Variants in GALNT18 observed in about 807,000 individuals in gnomAD.
The protein encoded by GALNT18 is polypeptide N-acetylgalactosaminyltransferase 18.
GALNT18 carries 44 observed loss-of-function variants against 69.5 expected under a neutral mutation model. The ratio of observed to expected loss-of-function variants is 0.63; its 90% CI spans 0.50 to 0.81. The LOEUF is 0.81. GALNT18 is among the 40% of genes least tolerant of loss of function. The pLI is 0.00. For missense variants in GALNT18, 715 were observed against 810.0 expected (o/e 0.88, Z 1.42); for synonymous variants, 364 against 318.2 (o/e 1.14, Z -1.53).
chr11:11,335,305 T>A (rs774510437), intron 7 of GALNT18, among the ~76,000 whole-genome samples: 1 of 152,226 alleles, frequency 6.6e-6, no homozygotes, highest in Non-Finnish European at 1.5e-5. Flanking sequence ...TCTTTCTGAA[T>A]ATCAAGTCCC....
At chr11:11,515,643 A>G (rs1235904421) in intron 1 of GALNT18, among the ~76,000 whole-genome samples, 1 of 152,256 alleles carries the variant, frequency 6.6e-6, no homozygotes, top group Non-Finnish European at 1.5e-5. Context: ...GAGATAGAGA[A>G]GGATGGGCCA....
At chr11:11,492,776 T>C (rs943521579) in intron 1 of GALNT18, among the ~76,000 whole-genome samples, 5 of 151,920 alleles carry the variant, frequency 3.3e-5, no homozygotes, top group Non-Finnish European at 5.9e-5. Flanking sequence ...GGGAGAGTAT[T>C]AGGACAAATA....
intron 1 of GALNT18, among the ~76,000 whole-genome samples, chr11:11,566,402 G>A (rs531657477): frequency 1.2e-4 from 19 of 152,154 alleles, no homozygotes; most frequent in Non-Finnish European, 2.1e-4. Context: ...AACATCCTTG[G>A]GACCAGCAGG....
In GALNT18 at chr11:11,332,822, T is replaced by C. The variant is rs1850042195; in HGVS notation, c.1288A>G (p.Ile430Val). The C allele has an allele frequency of 6.2e-7, 1 of 1,613,432 alleles. No homozygotes were observed. The highest frequency in any genetic ancestry group is 8.5e-7 in the Non-Finnish European group (1 of 1,179,988). The change falls in exon 8 of 11, where the codon ATT becomes GTT. Residue 430 changes from isoleucine to valine, a missense_variant. By Grantham distance (29) the Ile-to-Val change is conservative. Transcript: ENST00000227756. The surrounding 1 kb of genome is among the most constrained non-coding windows in gnomAD (Gnocchi z 4.3). ...CTTGCAGTGATGTCCCCAATGTCAA[T>C]TCCTGAGTCCTGCACAGGGACGCAG... ...AWNIPQEDSG[I>V]DIGDITARKA...
intron 1 of GALNT18, among the ~76,000 whole-genome samples, chr11:11,553,937 G>A (rs989315471): frequency 5.9e-5 from 9 of 152,170 alleles, no homozygotes; most frequent in Non-Finnish European, 5.9e-5. Flanking sequence ...GGACACGAGC[G>A]GCTCGGGCTC....
chr11:11,386,804 A>T (rs1241945910), intron 3 of GALNT18, among the ~76,000 whole-genome samples: 1 of 152,178 alleles, frequency 6.6e-6, no homozygotes, highest in Non-Finnish European at 1.5e-5. Flanking sequence ...AAGTCCAACT[A>T]GGCTGTCCCC....
intron 1 of GALNT18, among the ~76,000 whole-genome samples, chr11:11,524,718 G>T (rs1191250388): frequency 6.6e-6 from 1 of 152,236 alleles, no homozygotes; most frequent in African/African-American, 2.4e-5. Flanking sequence ...CTAAGTCACT[G>T]ATTTGGGGGC....
intron 1 of GALNT18, among the ~76,000 whole-genome samples, chr11:11,551,037 C>T (rs886800546): frequency 4.1e-5 from 6 of 145,048 alleles, no homozygotes; most frequent in African/African-American, 1.0e-4. Context: ...AGTCACATTT[C>T]AGTGGGTGAT....
Position 11,372,639 on chromosome 11 carries a change from C to T in GALNT18, c.978-10G>A. 1.2e-6 allele frequency: 2 copies of T among 1,609,380 alleles called. No individual in the cohort carries two copies. The highest frequency in any genetic ancestry group is 1.7e-6 in the Non-Finnish European group (2 of 1,176,058). Reference sequence around the variant, plus strand: ...AATGAGGGCAGGGCTCCTGCAGGGGCAGGGGAGAGCAGAAGGGCTGTCTGG... The same window carrying T: ...AATGAGGGCAGGGCTCCTGCAGGGGTAGGGGAGAGCAGAAGGGCTGTCTGG... On this transcript the variant is annotated splice_polypyrimidine_tract_variant and intron_variant, in intron 5 of 10. Coordinates refer to ENST00000227756, the MANE Select transcript of GALNT18 (RefSeq NM_198516.3). The surrounding 1 kb of genome is among the most constrained non-coding windows in gnomAD (Gnocchi z 4.9).
intron 1 of GALNT18, among the ~76,000 whole-genome samples, chr11:11,599,314 C>T (rs1057467765): frequency 6.6e-6 from 1 of 152,002 alleles, no homozygotes; most frequent in Admixed American, 6.6e-5. Context: ...TCTATATCCT[C>T]CTTATGGATT....
intron 5 of GALNT18, among the ~76,000 whole-genome samples, chr11:11,374,451 T>C (rs1054877565): frequency 7.2e-5 from 11 of 152,248 alleles, no homozygotes; most frequent in African/African-American, 2.7e-4. Flanking sequence ...ACGTGATGAT[T>C]CAGAAACATC....
rs1219381433 is a variant in GALNT18 at position 11,590,176 on chromosome 11, T to G, written c.235+31183A>C. On this transcript the variant is annotated intron_variant, in intron 1 of 10. Transcript: ENST00000227756. The surrounding 1 kb of genome is among the most constrained non-coding windows in gnomAD (Gnocchi z 4.4). Reference sequence around the variant, plus strand: ...CTACATTTCCCAGCTTCCCTTGCAGTCAGCGGCTGCTACATGGCTGATTCT... The same window carrying G: ...CTACATTTCCCAGCTTCCCTTGCAGGCAGCGGCTGCTACATGGCTGATTCT... 1.3e-5 allele frequency among the ~76,000 whole-genome samples: 2 copies of G among 152,232 alleles called. No homozygotes were observed. Among genetic ancestry groups the G allele is most frequent in the East Asian group, 1.9e-4 (1 of 5,190 alleles).
At chr11:11,401,000 G>T (rs58589327) in intron 3 of GALNT18, among the ~76,000 whole-genome samples, 16,690 of 152,140 alleles carry the variant, frequency 0.11, 984 homozygotes, top group Admixed American at 0.16. Context: ...AGGGTCGGCC[G>T]GGGCAGGAAC....
chr11:11,575,363 T>A (rs10765866), intron 1 of GALNT18, among the ~76,000 whole-genome samples: 1 of 152,112 alleles, frequency 6.6e-6, no homozygotes, highest in Non-Finnish European at 1.5e-5. Context: ...CTTTCTCTTC[T>A]CAAACTAAAC....
At chr11:11,471,154 T>A (rs2133853670) in intron 1 of GALNT18, among the ~76,000 whole-genome samples, 1 of 152,220 alleles carries the variant, frequency 6.6e-6, no homozygotes, top group South Asian at 2.1e-4. Context: ...TTTTAAGAGG[T>A]CTACCCTGGC....
chr11:11,510,024 C>G (rs1338888776), intron 1 of GALNT18, among the ~76,000 whole-genome samples: 1 of 152,194 alleles, frequency 6.6e-6, no homozygotes, highest in Non-Finnish European at 1.5e-5. Context: ...GTTACAGCAT[C>G]AGAACACTCC....
intron 9 of GALNT18, among the ~76,000 whole-genome samples, chr11:11,311,499 A>G (rs1849673869): frequency 6.6e-6 from 1 of 152,128 alleles, no homozygotes; most frequent in South Asian, 2.1e-4. Flanking sequence ...GCCCTGCCAA[A>G]TCCTTGGGGT....
At chr11:11,325,065 T>C (rs1055232326) in intron 9 of GALNT18, among the ~76,000 whole-genome samples, 1 of 152,228 alleles carries the variant, frequency 6.6e-6, no homozygotes, top group Non-Finnish European at 1.5e-5. Context: ...TGCATGTTTA[T>C]AGCAGCACAA....
At chr11:11,455,146 A>C (rs916966902) in intron 1 of GALNT18, among the ~76,000 whole-genome samples, 3 of 152,176 alleles carry the variant, frequency 2.0e-5, no homozygotes, top group Admixed American at 6.5e-5. Context: ...TTTGCCCACA[A>C]AGGGTGTTAA....
Sources: allele counts gnomAD v4.1 joint callset (sites outside exome capture counted in the v4.1 genomes callset), GRCh38; gene constraint gnomAD v4.1.1; non-coding constraint Gnocchi (gnomAD v3.1); transcripts MANE v1.5; gene names NCBI Gene and HGNC (gene_info 2026-07-23, HGNC 2026-07-21).